The following RBFOX1 variants were observed in gnomAD, a reference collection of about 807,000 sequenced individuals.
RBFOX1 encodes RNA binding protein fox-1 homolog 1.
A neutral mutation model predicts 57.7 loss-of-function variants in RBFOX1; 8 were observed. That is an observed-to-expected ratio of 0.14 (90% CI 0.08 to 0.25). The LOEUF is 0.25. Among genes scored for constraint, RBFOX1 ranks in the 10% least tolerant of loss-of-function variants. The pLI is 1.00. For missense variants in RBFOX1, 611 were observed against 548.5 expected (o/e 1.11, Z -1.14); for synonymous variants, 326 against 222.4 (o/e 1.47, Z -4.15).
chr16:7,017,517 G>C (rs1038298182), intron 3 of RBFOX1, among the ~76,000 whole-genome samples: 1 of 152,156 alleles, frequency 6.6e-6, no homozygotes, highest in East Asian at 1.9e-4. Flanking sequence ...TCAGGAGTCT[G>C]CGTTTGGAAG....
At chr16:7,133,659 A>G (rs1428080136) in intron 4 of RBFOX1, among the ~76,000 whole-genome samples, 1 of 152,244 alleles carries the variant, frequency 6.6e-6, no homozygotes, top group East Asian at 1.9e-4. Flanking sequence ...CTGTATTGGT[A>G]GAAAGCAAAA....
At chr16:7,499,702 G>A (rs953794032) in intron 4 of RBFOX1, among the ~76,000 whole-genome samples, 5 of 152,050 alleles carry the variant, frequency 3.3e-5, no homozygotes, top group African/African-American at 7.2e-5. Context: ...AAACAAGTGC[G>A]CCAGAATCAC....
intron 3 of RBFOX1, among the ~76,000 whole-genome samples, chr16:5,696,976 A>G (rs2050864433): frequency 6.6e-6 from 1 of 152,054 alleles, no homozygotes; most frequent in Non-Finnish European, 1.5e-5. Context: ...ACAGTGGCAC[A>G]GTCTTGACTC....
chr16:7,498,488 C>G (rs1293708133), intron 4 of RBFOX1, among the ~76,000 whole-genome samples: 1 of 151,764 alleles, frequency 6.6e-6, no homozygotes, highest in Non-Finnish European at 1.5e-5. Context: ...TAAGGCAAAA[C>G]AAAATGCGTG....
intron 3 of RBFOX1, among the ~76,000 whole-genome samples, chr16:5,666,891 A>G (rs1408954727): frequency 6.6e-6 from 1 of 152,320 alleles, no homozygotes; most frequent in East Asian, 1.9e-4. Context: ...GTTTGCATGT[A>G]TTAAGTATAT....
intron 2 of RBFOX1, among the ~76,000 whole-genome samples, chr16:6,602,530 A>G (rs1487067300): frequency 6.6e-6 from 1 of 152,072 alleles, no homozygotes; most frequent in African/African-American, 2.4e-5. Context: ...AGAGGTCTTG[A>G]TGTTCTTACA....
intron 4 of RBFOX1, among the ~76,000 whole-genome samples, chr16:7,489,677 A>C (rs1461389005): frequency 6.6e-6 from 1 of 151,808 alleles, no homozygotes; most frequent in Non-Finnish European, 1.5e-5. Flanking sequence ...CACTATGCCC[A>C]GAAAATTGTT....
intron 5 of RBFOX1, among the ~76,000 whole-genome samples, chr16:7,540,080 G>A (rs938798945): frequency 9.9e-5 from 15 of 152,178 alleles, no homozygotes; most frequent in African/African-American, 3.1e-4. Flanking sequence ...TATTGCTACT[G>A]CTTTGCAGAA....
intron 3 of RBFOX1, among the ~76,000 whole-genome samples, chr16:6,813,100 C>A (rs1316763240): frequency 6.7e-6 from 1 of 150,290 alleles, no homozygotes; most frequent in East Asian, 1.9e-4. Context: ...ATTTTCACTC[C>A]CATTAAAAAA....
chr16:7,382,570 T>C (rs2097797577), intron 4 of RBFOX1, among the ~76,000 whole-genome samples: 2 of 152,228 alleles, frequency 1.3e-5, no homozygotes, highest in South Asian at 4.1e-4. Context: ...TTTCTTGCTG[T>C]AAGCCAGTGA....
At chr16:6,724,184 G>A (rs1275246940) in intron 3 of RBFOX1, among the ~76,000 whole-genome samples, 2 of 151,474 alleles carry the variant, frequency 1.3e-5, no homozygotes, top group African/African-American at 2.4e-5. Context: ...GTCCTGATAT[G>A]AGGACGGCGA....
chr16:7,043,234 G>A (rs955516943), intron 3 of RBFOX1, among the ~76,000 whole-genome samples: 15 of 152,124 alleles, frequency 9.9e-5, no homozygotes, highest in Admixed American at 2.6e-4. Context: ...CTGGGTTGGT[G>A]CATCTCCTTT....
Position 6,906,695 on chromosome 16 carries a change from C to G in RBFOX1, c.-15-145362C>G, listed in dbSNP as rs552899091. ...TAAAAAGAGCCTAGTTCAGAGCAGA[C>G]TGGGTGCTCCATAAATATTTGCAGA... On this transcript the variant is annotated intron_variant, in intron 3 of 15. Coordinates refer to ENST00000550418, the MANE Select transcript of RBFOX1 (RefSeq NM_018723.4). Among the ~76,000 whole-genome samples, 145 of 151,240 alleles carry G rather than the reference C, an allele frequency of 9.6e-4. 1 individual carries two copies. The highest frequency in any genetic ancestry group is 3.4e-3 in the Admixed American group (52 of 15,170).
chr16:6,710,254 T>C (rs1395715801), intron 3 of RBFOX1, among the ~76,000 whole-genome samples: 2 of 152,210 alleles, frequency 1.3e-5, no homozygotes, highest in African/African-American at 2.4e-5. Context: ...ATTGTTCCTC[T>C]GTAATAGCAT....
chr16:7,368,526 C>A (rs1418326841), intron 4 of RBFOX1, among the ~76,000 whole-genome samples: 1 of 151,954 alleles, frequency 6.6e-6, no homozygotes, highest in Non-Finnish European at 1.5e-5. Flanking sequence ...CACCTGTAAT[C>A]CCAGCACTTT....
intron 3 of RBFOX1, among the ~76,000 whole-genome samples, chr16:5,783,664 C>G (rs188339889): frequency 6.6e-6 from 1 of 152,196 alleles, no homozygotes; most frequent in South Asian, 2.1e-4. Context: ...ACCCCAGGCA[C>G]ATTTCCCTTG....
chr16:6,905,666 C>T (rs771673289), intron 3 of RBFOX1, among the ~76,000 whole-genome samples: 3 of 152,072 alleles, frequency 2.0e-5, no homozygotes, highest in Admixed American at 6.5e-5. Flanking sequence ...CCCACCATCA[C>T]CACCAAAAGG....
intron 3 of RBFOX1, among the ~76,000 whole-genome samples, chr16:5,774,721 C>T (rs567767104): frequency 7.2e-5 from 11 of 152,274 alleles, no homozygotes; most frequent in African/African-American, 2.6e-4. Flanking sequence ...CTCACTCTCT[C>T]GCCCAGACTA....
At chr16:5,588,663 A>T (rs937982157) in intron 2 of RBFOX1, among the ~76,000 whole-genome samples, 3 of 152,120 alleles carry the variant, frequency 2.0e-5, no homozygotes, top group African/African-American at 7.2e-5. Context: ...GCAGACTTAG[A>T]GGGCTGGGAG....
Sources: gnomAD v4.1 joint callset for allele counts (sites outside exome capture counted in the v4.1 genomes callset) on GRCh38, gnomAD v4.1.1 for gene constraint, MANE v1.5 for transcripts, NCBI Gene and HGNC (gene_info 2026-07-23, HGNC 2026-07-21) for gene names.